The following SH2D1A variants were observed in gnomAD, a reference collection of about 807,000 sequenced individuals.
The protein encoded by SH2D1A is SH2 domain containing 1A.
Under a neutral mutation model 10.1 loss-of-function variants are expected in SH2D1A, and 6 were observed. The ratio of observed to expected loss-of-function variants is 0.60; its 90% confidence interval spans 0.33 to 1.18. The LOEUF (loss-of-function observed/expected upper bound fraction) is 1.18. Ranked by LOEUF, SH2D1A falls within the 50% of genes most tolerant of loss-of-function variation. SH2D1A has a pLI of 0.04. For missense variants in SH2D1A, 51 were observed against 97.6 expected (o/e 0.52, Z 2.01); for synonymous variants, 42 against 36.9 (o/e 1.14, Z -0.51).
At position 124,372,884 on chromosome X, in the gene SH2D1A, A is replaced by C. The variant is rs967018734; in HGVS notation, c.*1493A>C. On this transcript the variant is annotated 3_prime_UTR_variant, in exon 4 of 4. Coordinates refer to ENST00000371139, the MANE Select transcript of SH2D1A (RefSeq NM_002351.5). ...ATTATGGGTGGTTTACCATTTCTTG[A>C]GGTAAAAGCATCACATGAACTTGTA... 6.4e-6 allele frequency: 1 copy of C among 157,308 alleles called. No individual in the cohort carries two copies. Among genetic ancestry groups the C allele is most frequent in the Non-Finnish European group, 1.2e-5 (1 of 80,821 alleles). The allele number at this position is 157,308 out of a possible 1,213,427, so 13.0% of individuals were successfully genotyped here. A position where few individuals can be genotyped will look rare whatever the true frequency, so the allele number is the denominator to read the frequency against.
intron 1 of SH2D1A, among the ~76,000 whole-genome samples, chrX:124,358,165 G>A (rs1460001562): frequency 9.0e-6 from 1 of 111,423 alleles, no homozygotes; most frequent in African/African-American, 3.3e-5. Flanking sequence ...TGCTTTTGAT[G>A]TCTGTGCTTT....
chrX:124,351,637 C>T (rs1403645404), intron 1 of SH2D1A, among the ~76,000 whole-genome samples: 2 of 110,556 alleles, frequency 1.8e-5, no homozygotes, highest in Non-Finnish European at 3.8e-5. Flanking sequence ...TTTATATTTA[C>T]ACTCTATCTC....
At chrX:124,347,694 C>T (rs1264691963) in intron 1 of SH2D1A, among the ~76,000 whole-genome samples, 9 of 111,054 alleles carry the variant, frequency 8.1e-5, no homozygotes, top group African/African-American at 2.6e-4. Flanking sequence ...AGATTAAGTG[C>T]CATAATGCAG....
In SH2D1A at chrX:124,360,482, C is replaced by T. The variant is rs1293040059; in HGVS notation, c.138-5279C>T. ...AAAAAAAAAAAAAAAATTAGCTAGGCACAGCAGTGTGCAACTGTAGTGGCA... is the reference window on the plus strand; with the variant it reads ...AAAAAAAAAAAAAAAATTAGCTAGGTACAGCAGTGTGCAACTGTAGTGGCA... On this transcript the variant is annotated intron_variant, in intron 1 of 3. Coordinates refer to ENST00000371139, the MANE Select transcript of SH2D1A (RefSeq NM_002351.5). 3.2e-5 allele frequency among the ~76,000 whole-genome samples: 3 copies of T among 92,793 alleles called. No individual in the cohort carries two copies. The East Asian group carries it at 9.9e-4, about 31-fold the overall frequency. The allele number at this position is 92,793 out of a possible 115,157, so 80.6% of individuals were successfully genotyped here. A position where few individuals can be genotyped will look rare whatever the true frequency, so the allele number is the denominator to read the frequency against.
intron 3 of SH2D1A, among the ~76,000 whole-genome samples, chrX:124,370,781 C>A (rs1351907234): frequency 8.9e-6 from 1 of 111,995 alleles, no homozygotes; most frequent in Non-Finnish European, 1.9e-5. Context: ...ATTGGTGGTG[C>A]TTGAATTAAT....
At chrX:124,348,154 G>A (rs1378381586) in intron 1 of SH2D1A, among the ~76,000 whole-genome samples, 3 of 111,782 alleles carry the variant, frequency 2.7e-5, no homozygotes, top group African/African-American at 6.5e-5. Flanking sequence ...AGGGAAATAC[G>A]TGGAAGCTAT....
intron 2 of SH2D1A, among the ~76,000 whole-genome samples, chrX:124,368,178 C>T (rs1395978236): frequency 9.0e-6 from 1 of 111,261 alleles, no homozygotes; most frequent in African/African-American, 3.3e-5. Flanking sequence ...GACAGAGTCT[C>T]ACTCTGTCGC....
At chrX:124,355,779 T>C (rs1345802825) in intron 1 of SH2D1A, among the ~76,000 whole-genome samples, 1 of 112,106 alleles carries the variant, frequency 8.9e-6, no homozygotes, top group Non-Finnish European at 1.9e-5. Context: ...TTTACGTTAG[T>C]TTAAATTTAC....
chrX:124,359,156 G>T (rs997744691), intron 1 of SH2D1A, among the ~76,000 whole-genome samples: 6 of 111,612 alleles, frequency 5.4e-5, no homozygotes, highest in African/African-American at 2.0e-4. Flanking sequence ...TTCACACCAG[G>T]TTGTTCAGAG....
intron 2 of SH2D1A, among the ~76,000 whole-genome samples, chrX:124,367,377 A>T (rs1468779967): frequency 2.7e-5 from 3 of 111,829 alleles, no homozygotes; most frequent in African/African-American, 9.8e-5. Context: ...ACTGGAAAAA[A>T]TTTCTCTAGA....
intron 1 of SH2D1A, among the ~76,000 whole-genome samples, chrX:124,360,408 C>T (rs779898215): frequency 4.7e-5 from 4 of 85,013 alleles, no homozygotes; most frequent in South Asian, 1.3e-3. Flanking sequence ...TCAAGACCGT[C>T]GTGGTCAACA....
chrX:124,360,445 TAAAAAAAA>T (rs752399450), intron 1 of SH2D1A, among the ~76,000 whole-genome samples: 5 of 31,979 alleles, frequency 1.6e-4, no homozygotes, highest in Non-Finnish European at 2.1e-4. Context: ...CTGCAAAAAC[TAAAAAAAA>T]AAAAAAAAAA....
At chrX:124,356,262 C>A (rs961894625) in intron 1 of SH2D1A, among the ~76,000 whole-genome samples, 2 of 110,349 alleles carry the variant, frequency 1.8e-5, no homozygotes, top group African/African-American at 6.6e-5. Flanking sequence ...CATAGTATTC[C>A]ATGGTGTATA....
chrX:124,363,208 C>T (rs1378545363), intron 1 of SH2D1A, among the ~76,000 whole-genome samples: 1 of 111,270 alleles, frequency 9.0e-6, no homozygotes, highest in African/African-American at 3.3e-5. Flanking sequence ...AATGTTTACC[C>T]CATTTAAAAG....
intron 1 of SH2D1A, among the ~76,000 whole-genome samples, chrX:124,356,664 T>C (rs747816479): frequency 3.3e-4 from 37 of 111,546 alleles, no homozygotes; most frequent in Non-Finnish European, 5.5e-4. Flanking sequence ...TTTCACCATG[T>C]TGGCCAGGCT....
intron 1 of SH2D1A, among the ~76,000 whole-genome samples, chrX:124,363,587 G>T (rs2060045364): frequency 9.0e-6 from 1 of 111,054 alleles, no homozygotes; most frequent in African/African-American, 3.3e-5. Flanking sequence ...CGACTGTGCT[G>T]TCAGCTGTAT....
intron 1 of SH2D1A, among the ~76,000 whole-genome samples, chrX:124,353,715 A>G (rs1347920315): frequency 8.9e-6 from 1 of 112,270 alleles, no homozygotes; most frequent in South Asian, 3.7e-4. Flanking sequence ...ATCCTTCTGG[A>G]CATATCTGCC....
intron 1 of SH2D1A, among the ~76,000 whole-genome samples, chrX:124,352,893 C>A (rs774203697): frequency 9.0e-6 from 1 of 111,292 alleles, no homozygotes; most frequent in Non-Finnish European, 1.9e-5. Flanking sequence ...TACAAACAGA[C>A]AGTTAGATAG....
intron 1 of SH2D1A, among the ~76,000 whole-genome samples, chrX:124,350,292 TATA>T (rs2060006712): frequency 2.9e-5 from 1 of 34,804 alleles, no homozygotes; most frequent in African/African-American, 1.4e-4. Flanking sequence ...TTATATAATA[TATA>T]ATATATAAAT....
Sources: gnomAD v4.1 joint callset for allele counts (sites outside exome capture counted in the v4.1 genomes callset) on GRCh38, gnomAD v4.1.1 for gene constraint, MANE v1.5 for transcripts, NCBI Gene and HGNC (gene_info 2026-07-23, HGNC 2026-07-21) for gene names.